TTN: variants seen among roughly 807,000 people sequenced by gnomAD.
The protein encoded by TTN is connectin.
A neutral mutation model predicts 3,223.0 loss-of-function variants in TTN; 1,525 were observed. The ratio of observed to expected loss-of-function variants is 0.47; its 90% CI spans 0.45 to 0.49. The LOEUF (loss-of-function observed/expected upper bound fraction) is 0.49, where lower values mean the gene tolerates loss of function less well. Ranked by LOEUF, TTN falls within the 20% of genes least tolerant of loss-of-function variation. TTN has a pLI of 0.00. For missense variants in TTN, 40,786 were observed against 43,424.0 expected (o/e 0.94, Z 5.40); for synonymous variants, 14,094 against 15,161.0 (o/e 0.93, Z 5.17).
Position 178,571,496 on chromosome 2 carries a change from T to C in TTN, c.74636A>G (p.Tyr24879Cys), listed in dbSNP as rs933323916. 1.2e-6 allele frequency: 2 copies of C among 1,613,216 alleles called. No individual in the cohort carries two copies. The highest frequency in any genetic ancestry group is 1.7e-6 in the Non-Finnish European group (2 of 1,179,582). ...GTTTTCAGCTGCAATTCTAAACTGATATTCACATCCAGTCTTCAGTCTGCA... is the reference window on the plus strand; with the variant it reads ...GTTTTCAGCTGCAATTCTAAACTGACATTCACATCCAGTCTTCAGTCTGCA... ...KACRLKTGCEYQFRIAAENRY... is the reference protein window; with the variant it reads ...KACRLKTGCECQFRIAAENRY... Residue 24879 changes from tyrosine to cysteine, a missense_variant, in exon 326 of 363, where the codon TAT (tyrosine) becomes TGT (cysteine). Physicochemically the swap from Tyr to Cys is radical, Grantham distance 194. Coordinates refer to ENST00000589042, the MANE Select transcript of TTN (RefSeq NM_001267550.2).
chr2:178,748,216 G>T, intron 47 of TTN: 1 of 1,612,986 alleles, frequency 6.2e-7, no homozygotes, highest in Non-Finnish European at 8.5e-7. Context: ...ATTCACTATA[G>T]ATTTCTTCAG....
intron 234 of TTN, 31 bp downstream of exon 234, chr2:178,632,887 T>C: frequency 1.2e-6 from 2 of 1,611,390 alleles, no homozygotes; most frequent in Non-Finnish European, 1.7e-6. Flanking sequence ...GCAGAGAAAA[T>C]ACAAAAACGT....
At chr2:178,627,038 T>G (rs1359939691) in intron 240 of TTN, among the ~76,000 whole-genome samples, 1 of 151,896 alleles carries the variant, frequency 6.6e-6, no homozygotes, top group Non-Finnish European at 1.5e-5. Context: ...TTGCAGTAGA[T>G]TGTAAGAATA....
rs768758920 is a variant in TTN at position 178,562,675 on chromosome 2, A to G, written c.83457T>C (p.Asn27819=). ...CAATTCTGAAAGTAGTTTTAGTGCA[A>G]TTATTTGTAATGGTAGCATAGGCTT... ...TRKAYATITN[N]CTKTTFRIEN... is the part of the protein sequence containing the mutation. The change falls in exon 326 of 363, where the codon AAT becomes AAC. Residue 27819 remains asparagine (N), a synonymous_variant. Coordinates refer to ENST00000589042, the MANE Select transcript of TTN (RefSeq NM_001267550.2). The G allele has an allele frequency of 1.3e-6, 2 of 1,595,250 alleles. No homozygotes were observed. The highest frequency in any genetic ancestry group is 2.3e-5 in the South Asian group (2 of 86,914).
At chr2:178,701,501 C>A (rs532366046) in intron 110 of TTN, 27 bp downstream of exon 110, 1 of 1,603,050 alleles carries the variant, frequency 6.2e-7, no homozygotes, top group Admixed American at 1.7e-5. Flanking sequence ...CTGCTCCAAG[C>A]TCAGATGTTG....
chr2:178,724,057 C>T lies in TTN; in HGVS notation c.21202G>A (p.Ala7068Thr). ...GCAACTGAAATAGGTGATGATCCAG[C>T]TACTTTGCATTCCAAGATGCAAGAA... Reference protein sequence around the residue: ...GASCILECKVAGSSPISVAWF... With the variant: ...GASCILECKVTGSSPISVAWF... Residue 7068 changes from alanine (A) to threonine (T), a missense_variant, in exon 73 of 363, where the codon GCT becomes ACT. Coordinates refer to ENST00000589042, the MANE Select transcript of TTN (RefSeq NM_001267550.2). The T allele has an allele frequency of 6.2e-7, 1 of 1,613,502 alleles. No individual in the cohort carries two copies. Among genetic ancestry groups the T allele is most frequent in the Non-Finnish European group, 8.5e-7 (1 of 1,179,618 alleles).
In TTN at chr2:178,724,244, A is replaced by C; in HGVS notation, c.21115+16T>G. 6.2e-7 allele frequency: 1 copy of C among 1,601,832 alleles called. No individual in the cohort carries two copies. The highest frequency in any genetic ancestry group is 2.2e-5 in the East Asian group (1 of 44,664). ...GGAATTTGCATAAGCAACCAGAAGA[A>C]AACAGCAGAACTAACCTGAAACATC... On this transcript the variant is annotated intron_variant, in intron 72 of 362. Transcript: ENST00000589042.
rs397517801 is a variant in TTN at position 178,764,518 on chromosome 2, C to T, written c.9988+9G>A. 2 of 1,613,854 alleles carry T rather than the reference C, an allele frequency of 1.2e-6. No individual in the cohort carries two copies. Among genetic ancestry groups the T allele is most frequent in the Middle Eastern group, 1.7e-4 (1 of 5,992 alleles). ...TTATTTTCAGCTGGAAGTAGCGAGGCATTCCTACCTTCCACTGAGAGTGAA... is the reference window on the plus strand; with the variant it reads ...TTATTTTCAGCTGGAAGTAGCGAGGTATTCCTACCTTCCACTGAGAGTGAA... On this transcript the variant is annotated intron_variant, in intron 42 of 362. Coordinates refer to ENST00000589042, the MANE Select transcript of TTN (RefSeq NM_001267550.2).
In TTN at chr2:178,735,619, C is replaced by T. The variant is rs2081309584; in HGVS notation, c.14827G>A (p.Ala4943Thr). ...DYKICFEDKI[A>T]TLEIPLAKLK... ...TTGGCCAAAGGAATCTCAAGTGTTGCTATTTTATCTTCAAAACAGATCTTA... is the reference window on the plus strand; with the variant it reads ...TTGGCCAAAGGAATCTCAAGTGTTGTTATTTTATCTTCAAAACAGATCTTA... The change falls in exon 50 of 363, where the codon GCA (alanine) becomes ACA (threonine). Residue 4943 changes from alanine to threonine, a missense_variant. Coordinates refer to ENST00000589042, the MANE Select transcript of TTN (RefSeq NM_001267550.2). 1.9e-6 allele frequency: 3 copies of T among 1,613,490 alleles called. No homozygotes were observed. The highest frequency in any genetic ancestry group is 2.5e-6 in the Non-Finnish European group (3 of 1,179,754).
Position 178,757,927 on chromosome 2 carries a change from G to C in TTN, c.10304-11C>G. ...CAAATTTGCTAAATCCTGAAAAGAA[G>C]CATACCAATTTTTAATGTCTTACCT... On this transcript the variant is annotated splice_polypyrimidine_tract_variant and intron_variant, in intron 44 of 362. Coordinates refer to ENST00000589042, the MANE Select transcript of TTN (RefSeq NM_001267550.2). 6.6e-7 allele frequency: 1 copy of C among 1,513,710 alleles called. No individual in the cohort carries two copies. The highest frequency in any genetic ancestry group is 8.8e-7 in the Non-Finnish European group (1 of 1,132,608). 93.8% of individuals were successfully genotyped at this position (1,513,710 alleles called of 1,614,324 possible).
chr2:178,564,044 G>A lies in TTN; in HGVS notation c.82088C>T (p.Thr27363Ile). 1 of 1,613,754 alleles carries A rather than the reference G, an allele frequency of 6.2e-7. No individual in the cohort carries two copies. Among genetic ancestry groups the A allele is most frequent in the South Asian group, 1.1e-5 (1 of 91,080 alleles). The change falls in exon 326 of 363, where the codon ACT (threonine) becomes ATT (isoleucine). Residue 27363 changes from threonine (T) to isoleucine (I), a missense_variant. By Grantham distance (89) the Thr-to-Ile change is moderately conservative (BLOSUM62 -1). Transcript: ENST00000589042. Reference sequence around the variant, plus strand: ...CCCTGGCCTGTCAAGTACCTTTACAGTGATGGGTATAGACTTTGTACCACC... The same window carrying A: ...CCCTGGCCTGTCAAGTACCTTTACAATGATGGGTATAGACTTTGTACCACC... ...NVGGTKSIPITVKVLDRPGPP... is the reference protein window; with the variant it reads ...NVGGTKSIPIIVKVLDRPGPP...
At position 178,634,126 on chromosome 2, in the gene TTN, C is replaced by G; in HGVS notation, c.42416-43G>C. ...ATAATGCCTCAGAAACACAATTCACCTTCAGAAAGATTCCATTCTAATCTG... is the reference window on the plus strand; with the variant it reads ...ATAATGCCTCAGAAACACAATTCACGTTCAGAAAGATTCCATTCTAATCTG... On this transcript the variant is annotated intron_variant, in intron 230 of 362. Coordinates refer to ENST00000589042, the MANE Select transcript of TTN (RefSeq NM_001267550.2). This position sits in a 1 kb window ranked among gnomAD's most constrained non-coding sequence, Gnocchi z 4.6. 6.2e-7 allele frequency: 1 copy of G among 1,604,336 alleles called. No homozygotes were observed. Among genetic ancestry groups the G allele is most frequent in the Middle Eastern group, 2.0e-4 (1 of 5,128 alleles).
At position 178,537,647 on chromosome 2, in the gene TTN, T is replaced by C. The variant is rs560306385; in HGVS notation, c.99560A>G (p.Lys33187Arg). ...CTGCGGTGTTGCTTGCAGGAGAAGC[T>C]TACTACTGGTTTCTACTTCTCCAAC... ...NEVGEVETSSKLLLQATPQFH... is the reference protein window; with the variant it reads ...NEVGEVETSSRLLLQATPQFH... Residue 33187 changes from lysine (K) to arginine (R), a missense_variant, in exon 355 of 363, where the codon AAG (lysine) becomes AGG (arginine). Lys to Arg is a conservative substitution (Grantham distance 26). Transcript: ENST00000589042. 1 of 1,613,752 alleles carries C rather than the reference T, an allele frequency of 6.2e-7. No homozygotes were observed.
intron 344 of TTN, among the ~76,000 whole-genome samples, chr2:178,544,860 A>G (rs909524265): frequency 1.3e-5 from 2 of 152,106 alleles, no homozygotes; most frequent in South Asian, 2.1e-4. Flanking sequence ...CTTGCCACCA[A>G]TACATTTCTA....
At chr2:178,640,482 T>A (rs1576799433) in intron 221 of TTN, 59 bp downstream of exon 221, 1 of 1,429,928 alleles carries the variant, frequency 7.0e-7, no homozygotes, top group East Asian at 2.3e-5. Context: ...TGTAATGATA[T>A]TTTAAATGAT....
intron 301 of TTN, 50 bp downstream of exon 301, chr2:178,592,329 T>C (rs1290607793): frequency 6.3e-7 from 1 of 1,597,556 alleles, no homozygotes; most frequent in Non-Finnish European, 8.5e-7. Flanking sequence ...ATATAAGAGC[T>C]CAAAATTATC....
rs747122 is a variant in TTN, at chr2:178,549,591, C to G, written c.92131G>C (p.Val30711Leu). ...GVGRPLDSDPVVAQIQYTVPD... is the reference protein window; with the variant it reads ...GVGRPLDSDPLVAQIQYTVPD... Reference sequence around the variant, plus strand: ...TTACTATATTGTATTTGAGCAACCACTGGATCAGAATCAAGTGGCCTGCCA... The same window carrying G: ...TTACTATATTGTATTTGAGCAACCAGTGGATCAGAATCAAGTGGCCTGCCA... Residue 30711 changes from valine to leucine, a missense_variant, in exon 338 of 363, where the codon GTG becomes CTG. Coordinates refer to ENST00000589042, the MANE Select transcript of TTN (RefSeq NM_001267550.2). The G allele has an allele frequency of 4.3e-6, 7 of 1,612,874 alleles. No individual in the cohort carries two copies. The East Asian group carries it at 1.3e-4, about 31-fold the overall frequency.
intron 10 of TTN, 33 bp from the exon 11 acceptor site, chr2:178,790,878 T>C: frequency 6.2e-7 from 1 of 1,612,872 alleles, no homozygotes; most frequent in Non-Finnish European, 8.5e-7. Flanking sequence ...GATTTGAGTT[T>C]CAAAAGATAC....
intron 218 of TTN, among the ~76,000 whole-genome samples, chr2:178,642,932 T>C (rs1171758469): frequency 6.6e-6 from 1 of 152,038 alleles, no homozygotes; most frequent in Non-Finnish European, 1.5e-5. Context: ...TCGTTTTTCA[T>C]GAATAAGAAA....
Sources: allele counts gnomAD v4.1 joint callset (sites outside exome capture counted in the v4.1 genomes callset), GRCh38; gene constraint gnomAD v4.1.1; non-coding constraint Gnocchi (gnomAD v3.1); transcripts MANE v1.5; gene names NCBI Gene and HGNC (gene_info 2026-07-23, HGNC 2026-07-21).